The following USP34 variants were observed in gnomAD, a reference collection of about 807,000 sequenced individuals.
USP34 encodes the protein ubiquitin specific peptidase 34, also known as ubiquitin carboxyl-terminal hydrolase 34.
A neutral mutation model predicts 460.3 loss-of-function variants in USP34; 70 were observed. The ratio of observed to expected loss-of-function variants is 0.15; its 90% CI spans 0.13 to 0.19. The LOEUF (loss-of-function observed/expected upper bound fraction) is 0.19, where lower values mean the gene tolerates loss of function less well. Ranked by LOEUF, USP34 falls within the 10% of genes least tolerant of loss-of-function variation. USP34 has a pLI of 1.00. For missense variants in USP34, 3,985 were observed against 4,236.2 expected, an observed-to-expected ratio of 0.94 and a Z score of 1.65; for synonymous variants, 1,647 against 1,405.3, an observed-to-expected ratio of 1.17 and a Z score of -3.85.
intron 29 of USP34, among the ~76,000 whole-genome samples, chr2:61,298,054 A>G (rs1184642984): frequency 2.6e-5 from 4 of 152,174 alleles, no homozygotes; most frequent in African/African-American, 4.8e-5. Context: ...AAGGATTAGA[A>G]GGAAAAATAT....
chr2:61,348,618 A>C, intron 14 of USP34, 138 bp from the exon 15 acceptor site: 1 of 1,439,042 alleles, frequency 6.9e-7, no homozygotes. Flanking sequence ...TGGAATTAAA[A>C]ACTCAAAGGA....
chr2:61,204,406 GAATA>G, intron 73 of USP34, 26 bp from the exon 74 acceptor site: 1 of 1,613,288 alleles, frequency 6.2e-7, no homozygotes, highest in Non-Finnish European at 8.5e-7. Flanking sequence ...TGTACAGTAA[GAATA>G]AATGGAAAAA....
At position 61,228,910 on chromosome 2, in the gene USP34, C is replaced by G. The variant is rs1687805847; in HGVS notation, c.7285G>C (p.Glu2429Gln). 3 of 1,610,196 alleles carry G rather than the reference C, an allele frequency of 1.9e-6. No homozygotes were observed. Among genetic ancestry groups the G allele is most frequent in the African/African-American group, 1.3e-5 (1 of 74,812 alleles). ...TTACTGTGAGGTTTTACACCATGTT[C>G]CATAATTAATAACAGGGTTCTCACA... ...RFVRTLLLIM[E>Q]HGVKPHSKHL... Residue 2429 changes from glutamate (E) to glutamine (Q), a missense_variant, in exon 60 of 80, where the codon GAA becomes CAA. Glu to Gln is a conservative substitution (Grantham distance 29, BLOSUM62 2). Transcript: ENST00000398571.
chr2:61,337,678 A>C (rs191635788), intron 18 of USP34, among the ~76,000 whole-genome samples: 2 of 152,252 alleles, frequency 1.3e-5, no homozygotes, highest in East Asian at 3.9e-4. Context: ...TGCTGGTCTC[A>C]GTCCTGGACT....
At chr2:61,422,198 C>G (rs1694382659) in intron 1 of USP34, among the ~76,000 whole-genome samples, 1 of 152,200 alleles carries the variant, frequency 6.6e-6, no homozygotes, top group Non-Finnish European at 1.5e-5. Context: ...AAAACAACCT[C>G]TTGCATTGTA....
rs1261787726 is a variant in USP34 at position 61,214,287 on chromosome 2, T to C, written c.8455A>G (p.Ile2819Val). 6 of 1,614,080 alleles carry C rather than the reference T, an allele frequency of 3.7e-6. No homozygotes were observed. Among genetic ancestry groups the C allele is most frequent in the Non-Finnish European group, 5.1e-6 (6 of 1,180,038 alleles). ...TTGGTTACCACTGGGTTCTGAACAA[T>C]AAGGCGGATATTCTCTGGACAGTCA... ...CADCPENIRL[I>V]VQNPVVTKNI... Residue 2819 changes from isoleucine (I) to valine (V), a missense_variant, in exon 68 of 80, where the codon ATT becomes GTT. Physicochemically the swap from Ile to Val is conservative, Grantham distance 29. Transcript: ENST00000398571.
rs1000465433 is a variant in USP34 at position 61,428,168 on chromosome 2, A to C, written c.44-7335T>G. Among the ~76,000 whole-genome samples, 21 of 151,242 alleles carry C rather than the reference A, an allele frequency of 1.4e-4. No individual in the cohort carries two copies. In the South Asian group the frequency reaches 2.1e-3, roughly 15 times the overall value. On this transcript the variant is annotated intron_variant, in intron 1 of 79. Coordinates refer to ENST00000398571, the MANE Select transcript of USP34 (RefSeq NM_014709.4). ...CAACAAGAGCAAAACTCCGTCACAA[A>C]AAAAAAAAAAAAACTTCCAAATCTT...
In USP34 at chr2:61,468,201, T is replaced by C. The variant is rs375417545; in HGVS notation, c.43+2449A>G. On this transcript the variant is annotated intron_variant, in intron 1 of 79. Transcript: ENST00000398571. ...ATTGTTGAAGTAAAAAAAATGTTTT[T>C]TGAGACAAAGTTTCGCTCTTGTTGC... Among the ~76,000 whole-genome samples the C allele has an allele frequency of 3.7e-4, 57 of 152,338 alleles. No homozygotes were observed. The South Asian group carries it at 6.8e-3, about 18-fold the overall frequency.
chr2:61,242,609 G>A (rs1688300526), intron 51 of USP34, among the ~76,000 whole-genome samples: 1 of 152,026 alleles, frequency 6.6e-6, no homozygotes, highest in African/African-American at 2.4e-5. Context: ...GCTGAACAAA[G>A]GATCCCAGAG....
Position 61,348,431 on chromosome 2 carries a change from C to T in USP34, c.1724G>A (p.Gly575Glu). Residue 575 changes from glycine (G) to glutamate (E), a missense_variant, in exon 15 of 80, where the codon GGA becomes GAA. By Grantham distance (98) the Gly-to-Glu change is moderately conservative (BLOSUM62 -2). Around this residue, in one of 14 missense-constraint regions of USP34, gnomAD observed 716 missense variants for 626.2 expected, o/e 1.14. Transcript: ENST00000398571. ...SDETANSGED[G>E]SSGPGSSSGH... Reference sequence around the variant, plus strand: ...ACTACTGCTACCAGGACCACTGCTTCCATCTTCACCACTGTTGGCAGTTTC... The same window carrying T: ...ACTACTGCTACCAGGACCACTGCTTTCATCTTCACCACTGTTGGCAGTTTC... 1 of 1,613,688 alleles carries T rather than the reference C, an allele frequency of 6.2e-7. No individual in the cohort carries two copies. Among genetic ancestry groups the T allele is most frequent in the South Asian group, 1.1e-5 (1 of 91,078 alleles).
intron 76 of USP34, 34 bp downstream of exon 76, chr2:61,192,862 AAGATT>A (rs1212180868): frequency 1.3e-6 from 2 of 1,553,602 alleles, no homozygotes; most frequent in Non-Finnish European, 8.8e-7. Flanking sequence ...TTGGTCAGAT[AAGATT>A]AAAGACCAAT....
At chr2:61,312,699 A>C (rs995478223) in intron 25 of USP34, among the ~76,000 whole-genome samples, 2 of 152,168 alleles carry the variant, frequency 1.3e-5, no homozygotes, top group Non-Finnish European at 2.9e-5. Flanking sequence ...TGACATTTTA[A>C]GCCCAATTAA....
At chr2:61,377,025 GA>G (rs1189525844) in intron 8 of USP34, among the ~76,000 whole-genome samples, 43 of 152,296 alleles carry the variant, frequency 2.8e-4, no homozygotes, top group African/African-American at 9.4e-4. Flanking sequence ...ATATAATCCA[GA>G]ATTTATAAAG....
chr2:61,326,396 T>C (rs1374185555), intron 20 of USP34, among the ~76,000 whole-genome samples: 1 of 152,066 alleles, frequency 6.6e-6, no homozygotes, highest in Non-Finnish European at 1.5e-5. Flanking sequence ...CTAATTTTTG[T>C]TATTTTTATT....
At chr2:61,352,991 G>T (rs1425575696) in intron 10 of USP34, among the ~76,000 whole-genome samples, 1 of 152,196 alleles carries the variant, frequency 6.6e-6, no homozygotes, top group Non-Finnish European at 1.5e-5. Context: ...AAACTCTAGA[G>T]TCAATCTGAA....
intron 1 of USP34, among the ~76,000 whole-genome samples, chr2:61,432,384 G>A (rs1446705194): frequency 1.3e-5 from 2 of 152,144 alleles, no homozygotes; most frequent in Non-Finnish European, 2.9e-5. Context: ...GCTGAGGTGG[G>A]CAGACAGCTT....
At chr2:61,334,935 A>C (rs1011158390) in intron 18 of USP34, among the ~76,000 whole-genome samples, 1 of 152,212 alleles carries the variant, frequency 6.6e-6, no homozygotes, top group Admixed American at 6.5e-5. Context: ...GATTATCTAA[A>C]AACTTCCAAC....
rs1249826567 is a variant in USP34 at position 61,266,146 on chromosome 2, T to G, written c.5455A>C (p.Asn1819His). 1.2e-6 allele frequency: 2 copies of G among 1,610,436 alleles called. No homozygotes were observed. The highest frequency in any genetic ancestry group is 1.7e-6 in the Non-Finnish European group (2 of 1,177,228). The change falls in exon 42 of 80, where the codon AAT becomes CAT. Residue 1819 changes from asparagine (N) to histidine (H), a missense_variant. Transcript: ENST00000398571. The stretch of plus-strand genomic sequence containing the variant: ...AGACTTGGCAACAAAAACAGGAGAT[T>G]GAAGATATCTCTCAAAAATTCCTGG... ...EGQEFLRDIF[N>H]LLFLLPSLKD...
Position 61,195,387 on chromosome 2 carries a change from A to T in USP34, c.9509-2407T>A, listed in dbSNP as rs1258650955. On this transcript the variant is annotated intron_variant, in intron 75 of 79. Transcript: ENST00000398571. ...AGGTTAAAAAAAAAAAAAAAAAATC[A>T]GCCAGGCTGGGCATAGTGGCTCATG... Among the ~76,000 whole-genome samples, 3 of 129,672 alleles carry T rather than the reference A, an allele frequency of 2.3e-5. No individual in the cohort carries two copies. The East Asian group carries it at 6.8e-4, about 29-fold the overall frequency. 85.1% of individuals were successfully genotyped at this position (129,672 alleles called of 152,430 possible). A position where few individuals can be genotyped will look rare whatever the true frequency, so the allele number is the denominator to read the frequency against.
Sources: gnomAD v4.1 joint callset for allele counts (sites outside exome capture counted in the v4.1 genomes callset) on GRCh38, gnomAD v4.1.1 for gene constraint, gnomAD v4.1.1 regional missense constraint, MANE v1.5 for transcripts, NCBI Gene and HGNC (gene_info 2026-07-23, HGNC 2026-07-21) for gene names.